Variants in PCDHGB3 observed in about 807,000 individuals in gnomAD.
The protein encoded by PCDHGB3 is protocadherin gamma subfamily B, 3, also known as protocadherin gamma-B3.
Under a neutral mutation model 59.2 loss-of-function variants are expected in PCDHGB3, and 40 were observed. The observed-to-expected ratio is 0.68, with a 90% confidence interval of 0.52 to 0.88. The LOEUF (loss-of-function observed/expected upper bound fraction) is 0.88. Ranked by LOEUF, PCDHGB3 falls within the 40% of genes least tolerant of loss-of-function variation. PCDHGB3 has a pLI of 0.00. For synonymous variants in PCDHGB3, 581 were observed against 503.6 expected, an observed-to-expected ratio of 1.15 and a Z score of -2.06; for missense variants, 1,309 against 1,187.9, an observed-to-expected ratio of 1.10 and a Z score of -1.50.
At position 141,410,013 on chromosome 5, in the gene PCDHGB3, T is replaced by A. The variant is rs770463619; in HGVS notation, c.2415+37204T>A. On this transcript the variant is annotated intron_variant, in intron 1 of 3. Coordinates refer to ENST00000576222, the MANE Select transcript of PCDHGB3 (RefSeq NM_018924.5). ...GCCGACTCGGGACACAACGCCTGGC[T>A]GTCCTACCACGTGCTGCAGGCCAGT... 1 of 1,613,296 alleles carries A rather than the reference T, an allele frequency of 6.2e-7. No individual in the cohort carries two copies. Among genetic ancestry groups the A allele is most frequent in the East Asian group, 2.2e-5 (1 of 44,870 alleles).
intron 1 of PCDHGB3, chr5:141,426,597 T>C (rs2096946172): frequency 2.6e-6 from 1 of 377,476 alleles, no homozygotes. Context: ...TGTCATACCC[T>C]TAGAGATTGT....
intron 1 of PCDHGB3, chr5:141,383,853 G>C (rs942698942): frequency 1.2e-6 from 2 of 1,613,948 alleles, no homozygotes; most frequent in Middle Eastern, 3.3e-4. Flanking sequence ...ATGAAATGGA[G>C]GTTCAGGCTC....
chr5:141,370,723 C>G lies in PCDHGB3; in HGVS notation c.329C>G (p.Ala110Gly). 1 of 1,613,808 alleles carries G rather than the reference C, an allele frequency of 6.2e-7. No individual in the cohort carries two copies. The highest frequency in any genetic ancestry group is 1.1e-5 in the South Asian group (1 of 91,070). Residue 110 changes from alanine (A) to glycine (G), a missense_variant, in exon 1 of 4, where the codon GCT becomes GGT. Transcript: ENST00000576222. Reference sequence around the variant, plus strand: ...TGTGTTCTGGAATTTGAAATGGTTGCTGAAAAGCCTTTAAACTTTTTTCAT... The same window carrying G: ...TGTGTTCTGGAATTTGAAATGGTTGGTGAAAAGCCTTTAAACTTTTTTCAT... ...STCVLEFEMV[A>G]EKPLNFFHVT...
chr5:141,464,622 CT>C (rs947370342), intron 1 of PCDHGB3, among the ~76,000 whole-genome samples: 8 of 152,058 alleles, frequency 5.3e-5, no homozygotes, highest in African/African-American at 1.9e-4. Flanking sequence ...TATTGTCAAG[CT>C]TTTTAATTGT....
chr5:141,486,879 G>A lies in PCDHGB3; in HGVS notation c.2416-7928G>A, dbSNP rs1371072899. 7 of 1,614,228 alleles carry A rather than the reference G, an allele frequency of 4.3e-6. No homozygotes were observed. Among genetic ancestry groups the A allele is most frequent in the Non-Finnish European group, 4.2e-6 (5 of 1,180,046 alleles). On this transcript the variant is annotated intron_variant, in intron 1 of 3. Coordinates refer to ENST00000576222, the MANE Select transcript of PCDHGB3 (RefSeq NM_018924.5). The surrounding 1 kb of genome is among the most constrained non-coding windows in gnomAD (Gnocchi z 5.0). Reference sequence around the variant, plus strand: ...AATGCTCCAGCTGTGCTCCGTCCTCGGGCCCGGCCTGGTTCCTTATGTCCC... The same window carrying A: ...AATGCTCCAGCTGTGCTCCGTCCTCAGGCCCGGCCTGGTTCCTTATGTCCC...
At chr5:141,435,919 T>C (rs2097786247) in intron 1 of PCDHGB3, among the ~76,000 whole-genome samples, 2 of 152,148 alleles carry the variant, frequency 1.3e-5, no homozygotes, top group South Asian at 4.1e-4. Flanking sequence ...GGCTCTAAAA[T>C]GCGGCAGTTG....
rs752708726 is a variant in PCDHGB3 at position 141,413,991 on chromosome 5, C to T, written c.2415+41182C>T. 1.9e-6 allele frequency: 3 copies of T among 1,613,494 alleles called. No homozygotes were observed. The East Asian group carries it at 6.7e-5, about 36-fold the overall frequency. ...AGCTGCTGACAGTCACAGCCACCGA[C>T]AGGGACGAAGGTGCCAATGGAGAAG... On this transcript the variant is annotated intron_variant, in intron 1 of 3. Coordinates refer to ENST00000576222, the MANE Select transcript of PCDHGB3 (RefSeq NM_018924.5).
At chr5:141,509,777 G>A (rs1244876699) in intron 3 of PCDHGB3, among the ~76,000 whole-genome samples, 1 of 152,100 alleles carries the variant, frequency 6.6e-6, no homozygotes, top group Non-Finnish European at 1.5e-5. Flanking sequence ...TCTAGTCCCC[G>A]AGATCATCAT....
At chr5:141,419,313 G>T in intron 1 of PCDHGB3, 1 of 1,613,974 alleles carries the variant, frequency 6.2e-7, no homozygotes, top group Non-Finnish European at 8.5e-7. Context: ...GGGCTCAACG[G>T]CCGTGTCTCC....
At chr5:141,416,119 T>G (rs930613185) in intron 1 of PCDHGB3, 1 of 155,364 alleles carries the variant, frequency 6.4e-6, no homozygotes, top group Admixed American at 6.5e-5. Flanking sequence ...AACTACATTT[T>G]ATATATTTTT....
intron 1 of PCDHGB3, chr5:141,478,583 C>G: frequency 6.3e-7 from 1 of 1,578,146 alleles, no homozygotes; most frequent in Non-Finnish European, 8.6e-7. Context: ...CCTGTTAGTG[C>G]TTTTTTATTC....
At position 141,463,977 on chromosome 5, in the gene PCDHGB3, T is replaced by C. The variant is rs948698340; in HGVS notation, c.2416-30830T>C. On this transcript the variant is annotated intron_variant, in intron 1 of 3. Coordinates refer to ENST00000576222, the MANE Select transcript of PCDHGB3 (RefSeq NM_018924.5). ...TTTAAAATAGCTTCATAAAACTCCA[T>C]TGTAAAAACCAGGTGCAGTGGCTCA... Among the ~76,000 whole-genome samples the C allele has an allele frequency of 2.6e-5, 4 of 152,258 alleles. 1 individual carries two copies. The highest frequency in any genetic ancestry group is 4.4e-5 in the Non-Finnish European group (3 of 68,004).
chr5:141,476,868 C>T lies in PCDHGB3; in HGVS notation c.2416-17939C>T, dbSNP rs1213404395. On this transcript the variant is annotated intron_variant, in intron 1 of 3. Coordinates refer to ENST00000576222, the MANE Select transcript of PCDHGB3 (RefSeq NM_018924.5). This position sits in a 1 kb window ranked among gnomAD's most constrained non-coding sequence, Gnocchi z 7.6. ...GTCTTCAACCAGTCCTTGTACCGGG[C>T]GCGCGTCCTGGAGGATGCACCCTCC... 3 of 1,613,874 alleles carry T rather than the reference C, an allele frequency of 1.9e-6. No individual in the cohort carries two copies. Among genetic ancestry groups the T allele is most frequent in the Admixed American group, 3.3e-5 (2 of 60,026 alleles).
At chr5:141,463,532 T>G (rs1237301892) in intron 1 of PCDHGB3, among the ~76,000 whole-genome samples, 1 of 133,692 alleles carries the variant, frequency 7.5e-6, no homozygotes, top group African/African-American at 2.8e-5. Flanking sequence ...TACTAGAAAC[T>G]CCGGCTCCCG....
intron 2 of PCDHGB3, among the ~76,000 whole-genome samples, chr5:141,495,943 C>T (rs998665622): frequency 3.9e-5 from 6 of 152,010 alleles, no homozygotes; most frequent in African/African-American, 1.4e-4. Flanking sequence ...GTCTCTGTGC[C>T]TGTTGTCTTT....
At chr5:141,398,643 C>T (rs746159571) in intron 1 of PCDHGB3, 1 of 1,614,024 alleles carries the variant, frequency 6.2e-7, no homozygotes, top group Admixed American at 1.7e-5. Context: ...AGTATAAACT[C>T]TCTCTTAACC....
chr5:141,376,025 G>C, intron 1 of PCDHGB3: 1 of 1,613,266 alleles, frequency 6.2e-7, no homozygotes, highest in Non-Finnish European at 8.5e-7. Context: ...GGCCGTCCAG[G>C]ACCACGGCCA....
chr5:141,448,945 A>G (rs1288079348), intron 1 of PCDHGB3, among the ~76,000 whole-genome samples: 1 of 151,716 alleles, frequency 6.6e-6, no homozygotes, highest in Non-Finnish European at 1.5e-5. Context: ...ACTGCAACTC[A>G]AAAAAACAAA....
chr5:141,388,135 T>C, intron 1 of PCDHGB3: 1 of 1,452,398 alleles, frequency 6.9e-7, no homozygotes, highest in Non-Finnish European at 9.5e-7. Flanking sequence ...AGCGGGGAGT[T>C]GCTTGTGAGC....
Sources: allele counts gnomAD v4.1 joint callset (sites outside exome capture counted in the v4.1 genomes callset), GRCh38; gene constraint gnomAD v4.1.1; non-coding constraint Gnocchi (gnomAD v3.1); transcripts MANE v1.5; gene names NCBI Gene and HGNC (gene_info 2026-07-23, HGNC 2026-07-21).